Variants in LYST observed in about 807,000 individuals in gnomAD.
The protein encoded by LYST is lysosomal trafficking regulator, also known as lysosomal-trafficking regulator.
Under a neutral mutation model 413.6 loss-of-function variants are expected in LYST, and 192 were observed. The observed-to-expected ratio is 0.46, with a 90% CI of 0.41 to 0.52. The LOEUF is 0.52. Ranked by LOEUF, LYST falls within the 20% of genes least tolerant of loss-of-function variation. LYST has a pLI of 0.00. For missense variants in LYST, 3,815 were observed against 4,499.9 expected (o/e 0.85, Z 4.35); for synonymous variants, 1,525 against 1,567.3 (o/e 0.97, Z 0.64).
chr1:235,730,867 T>C lies in LYST; in HGVS notation c.9024A>G (p.Lys3008=), dbSNP rs747791415. Residue 3008 remains lysine, a synonymous_variant, in exon 36 of 53, where the codon AAA becomes AAG. Coordinates refer to ENST00000389793, the MANE Select transcript of LYST (RefSeq NM_000081.4). ...GTTACCTTATAGATTCACTTGCAGC[T>C]TTGTCTTTGACAGTAGAAGAGAAAG... ...HSSFSSTVKD[K]AASESIRVNR... The C allele has an allele frequency of 6.2e-6, 10 of 1,611,502 alleles. No individual in the cohort carries two copies. In the South Asian group the frequency reaches 8.8e-5, roughly 14 times the overall value.
intron 12 of LYST, among the ~76,000 whole-genome samples, chr1:235,789,194 G>A (rs1670740932): frequency 6.6e-6 from 1 of 152,010 alleles, no homozygotes; most frequent in Non-Finnish European, 1.5e-5. Context: ...CCCTGGTCCA[G>A]GGAGCACACA....
intron 31 of LYST, chr1:235,737,940 C>CGTAT: frequency 3.3e-6 from 4 of 1,199,864 alleles, no homozygotes; most frequent in South Asian, 6.8e-5. Context: ...TGCCGCGTGC[C>CGTAT]CCAACACCCG....
At chr1:235,861,181 G>T (rs186960676) in intron 1 of LYST, among the ~76,000 whole-genome samples, 2 of 152,178 alleles carry the variant, frequency 1.3e-5, no homozygotes, top group East Asian at 1.9e-4. Flanking sequence ...ATAGTGAAAA[G>T]CTCTCTTATG....
intron 1 of LYST, among the ~76,000 whole-genome samples, chr1:235,863,869 T>C (rs1680189053): frequency 2.6e-5 from 4 of 152,200 alleles, no homozygotes; most frequent in Admixed American, 2.0e-4. Flanking sequence ...GCTTTTGAAT[T>C]TTCTGTGAGG....
chr1:235,818,316 A>G (rs1348979638), intron 3 of LYST, among the ~76,000 whole-genome samples: 1 of 152,096 alleles, frequency 6.6e-6, no homozygotes, highest in African/African-American at 2.4e-5. Context: ...TTATCTCTAA[A>G]TATGATGGGA....
At chr1:235,865,443 T>C (rs1465302262) in intron 1 of LYST, among the ~76,000 whole-genome samples, 1 of 152,266 alleles carries the variant, frequency 6.6e-6, no homozygotes, top group Non-Finnish European at 1.5e-5. Flanking sequence ...AAGGAGCAGA[T>C]ATTTATGTTT....
At chr1:235,848,760 T>A (rs1357837677) in intron 1 of LYST, among the ~76,000 whole-genome samples, 2 of 152,038 alleles carry the variant, frequency 1.3e-5, no homozygotes, top group East Asian at 3.9e-4. Flanking sequence ...TTTACAGACA[T>A]AAACTAGAAA....
intron 47 of LYST, among the ~76,000 whole-genome samples, chr1:235,689,409 C>A (rs61837661): frequency 0.18 from 27,828 of 152,078 alleles, 3,367 homozygotes; most frequent in Non-Finnish European, 0.27. Context: ...AAGACAAATA[C>A]TGTATGATCC....
In LYST at chr1:235,806,309, A is replaced by C. The variant is rs750462786; in HGVS notation, c.2827T>G (p.Cys943Gly). The C allele has an allele frequency of 2.0e-5, 33 of 1,614,054 alleles. No homozygotes were observed. In the East Asian group the frequency reaches 6.9e-4, roughly 34 times the overall value. Reference sequence around the variant, plus strand: ...AAGACAAGGCTCTCGAGAGATATACATGGCAGCATATGACTTAAAGGCTCG... The same window carrying C: ...AAGACAAGGCTCTCGAGAGATATACCTGGCAGCATATGACTTAAAGGCTCG... ...ASEPLSHMLP[C>G]ISLESLVLPS... The change falls in exon 6 of 53, where the codon TGT becomes GGT. Residue 943 changes from cysteine (C) to glycine (G), a missense_variant. This residue lies in a region of LYST where 1,648 missense variants were observed against 1,810.3 expected (regional missense o/e 0.91). Coordinates refer to ENST00000389793, the MANE Select transcript of LYST (RefSeq NM_000081.4).
intron 42 of LYST, 22 bp downstream of exon 42, chr1:235,715,179 T>C (rs779527884): frequency 6.2e-7 from 1 of 1,607,350 alleles, no homozygotes; most frequent in East Asian, 2.2e-5. Context: ...CATGACTTTT[T>C]AGGCAGTTAT....
chr1:235,700,515 G>C (rs1308547134), intron 45 of LYST, among the ~76,000 whole-genome samples: 1 of 152,158 alleles, frequency 6.6e-6, no homozygotes, highest in Non-Finnish European at 1.5e-5. Flanking sequence ...CTTCAATAGT[G>C]AACTGAAGTT....
chr1:235,871,527 A>C (rs190638400), upstream of LYST, among the ~76,000 whole-genome samples: 27 of 147,066 alleles, frequency 1.8e-4, no homozygotes, highest in African/African-American at 7.1e-4. Context: ...AAGATCATAT[A>C]ATATACTCAT....
At chr1:235,716,198 G>A (rs940989406) in intron 41 of LYST, among the ~76,000 whole-genome samples, 4 of 152,176 alleles carry the variant, frequency 2.6e-5, no homozygotes, top group African/African-American at 4.8e-5. Context: ...AATGTAATGC[G>A]TAGCTATTGT....
At chr1:235,729,815 T>C (rs557872136) in intron 36 of LYST, among the ~76,000 whole-genome samples, 158 bp from the exon 37 acceptor site, 2 of 152,158 alleles carry the variant, frequency 1.3e-5, no homozygotes, top group African/African-American at 4.8e-5. Flanking sequence ...AAATATTAGC[T>C]CCTTTTTAGC....
chr1:235,835,429 T>C (rs937849472), intron 1 of LYST, among the ~76,000 whole-genome samples: 1 of 152,158 alleles, frequency 6.6e-6, no homozygotes, highest in Non-Finnish European at 1.5e-5. Context: ...CCGTAAGAAG[T>C]GAAAGCTGGC....
In LYST at chr1:235,758,964, A is replaced by T. The variant is rs372075872; in HGVS notation, c.6881+8T>A. On this transcript the variant is annotated splice_region_variant and intron_variant, in intron 23 of 52. Coordinates refer to ENST00000389793, the MANE Select transcript of LYST (RefSeq NM_000081.4). ...AGGTGGGAGGAGTGTACAAAAACACATAAGTACCTGTGAGCACTTGCAGTT... is the reference window on the plus strand; with the variant it reads ...AGGTGGGAGGAGTGTACAAAAACACTTAAGTACCTGTGAGCACTTGCAGTT... 3.1e-6 allele frequency: 5 copies of T among 1,613,872 alleles called. No homozygotes were observed. The highest frequency in any genetic ancestry group is 1.7e-4 in the Middle Eastern group (1 of 6,060).
chr1:235,843,510 G>A (rs924163401), intron 1 of LYST, among the ~76,000 whole-genome samples: 2 of 152,056 alleles, frequency 1.3e-5, no homozygotes, highest in Non-Finnish European at 2.9e-5. Context: ...TATAACCTCA[G>A]TAAACATTGT....
chr1:235,752,147 C>T lies in LYST; in HGVS notation c.7485G>A (p.Leu2495=). 1 of 1,610,432 alleles carries T rather than the reference C, an allele frequency of 6.2e-7. No homozygotes were observed. Among genetic ancestry groups the T allele is most frequent in the East Asian group, 2.2e-5 (1 of 44,736 alleles). Residue 2495 remains leucine (L), a synonymous_variant, in exon 27 of 53, where the codon TTG becomes TTA. Coordinates refer to ENST00000389793, the MANE Select transcript of LYST (RefSeq NM_000081.4). Reference sequence around the variant, plus strand: ...AAAGTTGCTGTATATCACAAGCAAGCAATTTATATTCACTCATGGGAATGC... The same window carrying T: ...AAAGTTGCTGTATATCACAAGCAAGTAATTTATATTCACTCATGGGAATGC... The part of the protein sequence containing the change: ...EKNIPMSEYK[L]LACDIQQLFI...
At chr1:235,693,900 A>G (rs988317550) in intron 46 of LYST, among the ~76,000 whole-genome samples, 2 of 152,170 alleles carry the variant, frequency 1.3e-5, no homozygotes, top group African/African-American at 2.4e-5. Context: ...ACACTGCTAG[A>G]GTGGAAGCAA....
Sources: allele counts gnomAD v4.1 joint callset (sites outside exome capture counted in the v4.1 genomes callset), GRCh38; gene constraint gnomAD v4.1.1; regional missense constraint gnomAD v4.1.1; transcripts MANE v1.5; gene names NCBI Gene and HGNC (gene_info 2026-07-23, HGNC 2026-07-21).